Variants in WASHC2A observed in about 807,000 individuals in gnomAD.
WASHC2A encodes the protein WASH complex subunit 2A.
A neutral mutation model predicts 140.3 loss-of-function variants in WASHC2A; 82 were observed. That is an observed-to-expected ratio of 0.58 (90% CI 0.49 to 0.70). WASHC2A has a LOEUF of 0.70. Among genes scored for constraint, WASHC2A ranks in the 30% least tolerant of loss-of-function variants. The pLI, the probability that WASHC2A is intolerant of heterozygous loss-of-function variation, is 0.00. For synonymous variants in WASHC2A, 340 were observed against 560.8 expected, an observed-to-expected ratio of 0.61 and a Z score of 5.56; for missense variants, 985 against 1,521.8, an observed-to-expected ratio of 0.65 and a Z score of 5.87.
chr10:50,094,395 C>T (rs1305434223), intron 13 of WASHC2A, among the ~76,000 whole-genome samples: 12 of 147,152 alleles, frequency 8.2e-5, no homozygotes, highest in African/African-American at 2.8e-4. Flanking sequence ...TCTTAAACTC[C>T]TATCCTCAAG....
intron 18 of WASHC2A, among the ~76,000 whole-genome samples, chr10:50,104,688 C>T (rs1470692965): frequency 1.4e-4 from 21 of 151,966 alleles, no homozygotes; most frequent in African/African-American, 4.8e-4. Flanking sequence ...GTGAAATCTA[C>T]AGGTTTTATT....
At chr10:50,089,984 C>T (rs1839731574) in intron 8 of WASHC2A, among the ~76,000 whole-genome samples, 1 of 151,068 alleles carries the variant, frequency 6.6e-6, no homozygotes, top group Admixed American at 6.6e-5. Context: ...GTGGCGGGTG[C>T]CTGTAATCCT....
At chr10:50,106,296 A>G (rs1260158720) in intron 18 of WASHC2A, 38 bp from the exon 19 acceptor site, 2 of 1,601,822 alleles carry the variant, frequency 1.2e-6, no homozygotes, top group Non-Finnish European at 1.7e-6. Flanking sequence ...TTTTCTGATT[A>G]TAAAGTTGTC....
At chr10:50,072,218 A>G (rs1368997242) in intron 3 of WASHC2A, among the ~76,000 whole-genome samples, 2 of 147,410 alleles carry the variant, frequency 1.4e-5, no homozygotes, top group Admixed American at 1.4e-4. Context: ...CCAAAGTGCT[A>G]GGATTACAGG....
chr10:50,107,666 A>G (rs566419029), intron 19 of WASHC2A, among the ~76,000 whole-genome samples: 1 of 152,174 alleles, frequency 6.6e-6, no homozygotes, highest in African/African-American at 2.4e-5. Flanking sequence ...TCACGTCTGT[A>G]ATCCCAGCAC....
chr10:50,094,375 G>T (rs1554884003), intron 13 of WASHC2A, among the ~76,000 whole-genome samples: 1 of 145,252 alleles, frequency 6.9e-6, no homozygotes, highest in Non-Finnish European at 1.5e-5. Flanking sequence ...TGGACGGTTG[G>T]ACAGGCTGGT....
chr10:50,127,099 T>A (rs1843501861), intron 26 of WASHC2A, 61 bp from the exon 27 acceptor site: 2 of 1,602,022 alleles, frequency 1.2e-6, no homozygotes, highest in Non-Finnish European at 1.7e-6. Context: ...TTTACAGGCA[T>A]AAGAAACACT....
chr10:50,081,840 C>T (rs1838917779), intron 5 of WASHC2A, among the ~76,000 whole-genome samples: 1 of 152,154 alleles, frequency 6.6e-6, no homozygotes, highest in African/African-American at 2.4e-5. Context: ...ACCATGTTGG[C>T]CAGGCTGGTC....
intron 8 of WASHC2A, among the ~76,000 whole-genome samples, chr10:50,088,206 T>G (rs532025436): frequency 9.4e-5 from 14 of 149,036 alleles, no homozygotes; most frequent in Admixed American, 4.1e-4. Context: ...AGTCTCTAAA[T>G]GTATAAGGGA....
At chr10:50,106,530 C>G in intron 19 of WASHC2A, 65 bp downstream of exon 19, 1 of 1,597,662 alleles carries the variant, frequency 6.3e-7, no homozygotes, top group Non-Finnish European at 8.5e-7. Context: ...TAAAGCCATC[C>G]CAAGTCTTTT....
chr10:50,078,996 C>CAG (rs1838641217), intron 4 of WASHC2A, among the ~76,000 whole-genome samples: 1 of 151,212 alleles, frequency 6.6e-6, no homozygotes, highest in Non-Finnish European at 1.5e-5. Context: ...CCAGATAGTA[C>CAG]ATATTACAGA....
At chr10:50,090,132 A>T (rs1419124514) in intron 8 of WASHC2A, among the ~76,000 whole-genome samples, 1 of 151,896 alleles carries the variant, frequency 6.6e-6, no homozygotes, top group African/African-American at 2.4e-5. Context: ...AATAAATAAA[A>T]ATATTTCTCT....
In WASHC2A at chr10:50,127,020, G is replaced by C; in HGVS notation, c.2812-140G>C. The C allele has an allele frequency of 6.8e-6, 7 of 1,028,448 alleles. No homozygotes were observed. The South Asian group carries it at 9.2e-5, about 14-fold the overall frequency. 63.7% of individuals were successfully genotyped at this position (1,028,448 alleles called of 1,614,324 possible). On this transcript the variant is annotated intron_variant, in intron 26 of 30. Coordinates refer to ENST00000282633, the MANE Select transcript of WASHC2A (RefSeq NM_001005751.3). ...AGTGCTAGTGAAACATCAGGCCCCA[G>C]GAGAGATTTGAATGCCTTTCCCATT...
At position 50,127,220 on chromosome 10, in the gene WASHC2A, C is replaced by G. The variant is rs1422169188; in HGVS notation, c.2872C>G (p.Gln958Glu). The G allele has an allele frequency of 2.9e-4, 475 of 1,612,044 alleles. 7 individuals are homozygous for G. The South Asian group carries it at 5.0e-3, about 17-fold the overall frequency. The change falls in exon 27 of 31, where the codon CAA becomes GAA. Residue 958 changes from glutamine to glutamate, a missense_variant and splice_region_variant. Coordinates refer to ENST00000282633, the MANE Select transcript of WASHC2A (RefSeq NM_001005751.3). ...KEPSTRIGKI[Q>E]ANLAINPAAL... ...ACCATCCACTCGGATCGGGAAGATA[C>G]AAGTAATTAAAACACTGGAATCTTC... is the stretch of plus-strand genomic sequence containing the variant.
At position 50,131,006 on chromosome 10, in the gene WASHC2A, G is replaced by A. The variant is rs889404938; in HGVS notation, c.3814G>A (p.Asp1272Asn). ...LFDDNIDIFA[D>N]LTVKPKEKSK... Reference sequence around the variant, plus strand: ...TGATGATAACATTGATATCTTTGCTGACTTAACTGTAAAACCAAAAGAAAA... The same window carrying A: ...TGATGATAACATTGATATCTTTGCTAACTTAACTGTAAAACCAAAAGAAAA... The change falls in exon 30 of 31, where the codon GAC becomes AAC. Residue 1272 changes from aspartate (D) to asparagine (N), a missense_variant. Physicochemically the swap from Asp to Asn is conservative, Grantham distance 23. Coordinates refer to ENST00000282633, the MANE Select transcript of WASHC2A (RefSeq NM_001005751.3). 4.3e-6 allele frequency: 7 copies of A among 1,610,542 alleles called. No individual in the cohort carries two copies. In the African/African-American group the frequency reaches 8.0e-5, roughly 18 times the overall value.
chr10:50,105,100 G>C (rs1464167733), intron 18 of WASHC2A, among the ~76,000 whole-genome samples: 2 of 152,058 alleles, frequency 1.3e-5, no homozygotes, highest in Non-Finnish European at 2.9e-5. Context: ...CTTTAGTCTA[G>C]AGGATGGATC....
intron 17 of WASHC2A, among the ~76,000 whole-genome samples, chr10:50,100,418 G>A (rs1841004441): frequency 6.6e-6 from 1 of 151,808 alleles, no homozygotes; most frequent in East Asian, 1.9e-4. Context: ...GGAGGCAGAA[G>A]TTGCAATGAA....
At chr10:50,106,496 G>C (rs1841797078) in intron 19 of WASHC2A, 31 bp downstream of exon 19, 1 of 1,607,760 alleles carries the variant, frequency 6.2e-7, no homozygotes, top group Non-Finnish European at 8.5e-7. Context: ...AAGAAGAGGG[G>C]ATTATTTCAT....
chr10:50,075,168 C>T (rs1342989577), intron 3 of WASHC2A, among the ~76,000 whole-genome samples: 1 of 151,562 alleles, frequency 6.6e-6, no homozygotes, highest in Non-Finnish European at 1.5e-5. Context: ...TAAACCGTAT[C>T]ATAATTTATT....
Sources: gnomAD v4.1 joint callset for allele counts (sites outside exome capture counted in the v4.1 genomes callset) on GRCh38, gnomAD v4.1.1 for gene constraint, MANE v1.5 for transcripts, NCBI Gene and HGNC (gene_info 2026-07-23, HGNC 2026-07-21) for gene names.